The following ZNF521 variants were observed in gnomAD, a reference collection of about 807,000 sequenced individuals.
ZNF521 encodes the protein zinc finger protein 521.
A neutral mutation model predicts 105.5 loss-of-function variants in ZNF521; 14 were observed. The observed-to-expected ratio is 0.13, with a 90% CI of 0.09 to 0.21. The LOEUF (loss-of-function observed/expected upper bound fraction) is 0.21, where lower values mean the gene tolerates loss of function less well. Ranked by LOEUF, ZNF521 falls within the 10% of genes least tolerant of loss-of-function variation. ZNF521 has a pLI of 1.00. For missense variants in ZNF521, 1,233 were observed against 1,629.7 expected (o/e 0.76, Z 4.19); for synonymous variants, 635 against 606.0 (o/e 1.05, Z -0.70).
intron 5 of ZNF521, among the ~76,000 whole-genome samples, chr18:25,182,748 T>G (rs1354094582): frequency 6.6e-6 from 1 of 152,162 alleles, no homozygotes; most frequent in East Asian, 1.9e-4. Context: ...AATACTGTGG[T>G]CACTGGCTGC....
intron 4 of ZNF521, among the ~76,000 whole-genome samples, chr18:25,214,837 G>C (rs1461376635): frequency 6.6e-6 from 1 of 152,146 alleles, no homozygotes; most frequent in Admixed American, 6.6e-5. Context: ...GGATGCAGGA[G>C]ATGCAGATAG....
chr18:25,307,915 C>A (rs1912068401), intron 3 of ZNF521, among the ~76,000 whole-genome samples: 2 of 152,008 alleles, frequency 1.3e-5, no homozygotes, highest in Non-Finnish European at 2.9e-5. Flanking sequence ...GAAGTGGATA[C>A]CCCAGGCCAG....
chr18:25,134,326 G>A lies in ZNF521; in HGVS notation c.3659-42245C>T, dbSNP rs971071112. Among the ~76,000 whole-genome samples, 4 of 152,138 alleles carry A rather than the reference G, an allele frequency of 2.6e-5. 1 individual carries two copies. Among genetic ancestry groups the A allele is most frequent in the Non-Finnish European group, 5.9e-5 (4 of 68,008 alleles). ...TGTAATGGCGCTGCAGTCACCAGGT[G>A]TGAGGCAACATGAGATTTGCAGAAT... On this transcript the variant is annotated intron_variant, in intron 5 of 7. Transcript: ENST00000361524.
intron 5 of ZNF521, among the ~76,000 whole-genome samples, chr18:25,189,245 C>A (rs1166256734): frequency 6.6e-6 from 1 of 150,874 alleles, no homozygotes; most frequent in Non-Finnish European, 1.5e-5. Flanking sequence ...TTCCTGTGGC[C>A]CCCTCTTTGC....
chr18:25,303,461 C>A (rs144229676), intron 3 of ZNF521, among the ~76,000 whole-genome samples: 1,596 of 152,096 alleles, frequency 0.01, 33 homozygotes, highest in African/African-American at 0.037. Flanking sequence ...CCATGCCCGG[C>A]TAATTTTTGT....
rs143751846 is a variant in ZNF521 at position 25,114,781 on chromosome 18, T to C, written c.3659-22700A>G. Among the ~76,000 whole-genome samples the C allele has an allele frequency of 7.4e-4, 112 of 152,312 alleles. 1 individual carries two copies. Among genetic ancestry groups the C allele is most frequent in the Admixed American group, 2.2e-3 (33 of 15,290 alleles). ...AAACATCTCTATCCTTAACACACTA[T>C]AGAAGCTAAGGATAAATTTAGTCTT... On this transcript the variant is annotated intron_variant, in intron 5 of 7. Transcript: ENST00000361524.
At chr18:25,167,033 G>T (rs1012455366) in intron 5 of ZNF521, among the ~76,000 whole-genome samples, 4 of 152,164 alleles carry the variant, frequency 2.6e-5, no homozygotes, top group Non-Finnish European at 5.9e-5. Flanking sequence ...TGCTGATTCA[G>T]CCTTAGCCAA....
At chr18:25,083,628 T>C (rs1009188812) in intron 7 of ZNF521, among the ~76,000 whole-genome samples, 2 of 152,244 alleles carry the variant, frequency 1.3e-5, no homozygotes, top group African/African-American at 2.4e-5. Context: ...ATAGTAGCTA[T>C]TTCTTTGCCT....
chr18:25,174,137 T>C (rs1050102621), intron 5 of ZNF521, among the ~76,000 whole-genome samples: 2 of 152,196 alleles, frequency 1.3e-5, no homozygotes, highest in Non-Finnish European at 2.9e-5. Flanking sequence ...ATAAGAATGC[T>C]TACTTATATG....
chr18:25,251,758 G>A (rs969497821), intron 3 of ZNF521, among the ~76,000 whole-genome samples: 5 of 152,044 alleles, frequency 3.3e-5, no homozygotes, highest in African/African-American at 7.2e-5. Flanking sequence ...AGCACTCTTC[G>A]GTGAACAGCT....
chr18:25,251,150 C>T (rs943228742), intron 3 of ZNF521, among the ~76,000 whole-genome samples: 3 of 152,108 alleles, frequency 2.0e-5, no homozygotes, highest in African/African-American at 4.8e-5. Flanking sequence ...GAGAAAATGC[C>T]GATTTGCTAT....
At chr18:25,190,814 T>C (rs1002679581) in intron 5 of ZNF521, among the ~76,000 whole-genome samples, 10 of 152,186 alleles carry the variant, frequency 6.6e-5, no homozygotes, top group African/African-American at 2.4e-4. Context: ...GTGATATATA[T>C]CATGTGTAAC....
intron 5 of ZNF521, among the ~76,000 whole-genome samples, chr18:25,116,871 G>GTATA (rs55759335): frequency 4.3e-5 from 6 of 138,742 alleles, no homozygotes; most frequent in South Asian, 2.3e-4. Context: ...ATATATATAC[G>GTATA]TATATATATA....
intron 3 of ZNF521, among the ~76,000 whole-genome samples, chr18:25,244,312 A>ACACACT (rs1491103233): frequency 6.9e-6 from 1 of 144,960 alleles, no homozygotes; most frequent in Admixed American, 6.9e-5. Flanking sequence ...ACACACACAC[A>ACACACT]CTCTCACCCT....
At chr18:25,272,918 A>AT (rs1909761658) in intron 3 of ZNF521, among the ~76,000 whole-genome samples, 4 of 151,708 alleles carry the variant, frequency 2.6e-5, no homozygotes, top group African/African-American at 4.9e-5. Context: ...AATAATAATA[A>AT]AAAACTGTAA....
chr18:25,130,772 A>G (rs1306602581), intron 5 of ZNF521, among the ~76,000 whole-genome samples: 4 of 152,054 alleles, frequency 2.6e-5, no homozygotes, highest in Non-Finnish European at 4.4e-5. Context: ...GCGAGACCCC[A>G]TCTCTACAAA....
intron 4 of ZNF521, among the ~76,000 whole-genome samples, chr18:25,196,757 G>A (rs1432905383): frequency 6.6e-6 from 1 of 151,764 alleles, no homozygotes; most frequent in Non-Finnish European, 1.5e-5. Flanking sequence ...TGTTACGTAA[G>A]TAACATCTAT....
chr18:25,161,226 T>C (rs968745092), intron 5 of ZNF521, among the ~76,000 whole-genome samples: 7 of 152,298 alleles, frequency 4.6e-5, no homozygotes, highest in East Asian at 1.9e-4. Context: ...ATAATTTTTC[T>C]AAAACACACA....
chr18:25,138,171 A>G (rs1345055925), intron 5 of ZNF521, among the ~76,000 whole-genome samples: 1 of 152,136 alleles, frequency 6.6e-6, no homozygotes, highest in African/African-American at 2.4e-5. Flanking sequence ...TCCAGGGCTG[A>G]TACCTCCCAG....
Sources: allele counts gnomAD v4.1 joint callset (sites outside exome capture counted in the v4.1 genomes callset), GRCh38; gene constraint gnomAD v4.1.1; transcripts MANE v1.5; gene names NCBI Gene and HGNC (gene_info 2026-07-23, HGNC 2026-07-21).